Variants in VWA8 observed in about 807,000 individuals in gnomAD.
VWA8 encodes the protein von Willebrand factor A domain containing 8.
In VWA8, 221 loss-of-function variants were observed where a neutral mutation model predicts 241.5. That is an observed-to-expected ratio of 0.91 (90% CI 0.82 to 1.02). The LOEUF is 1.02. Among genes scored for constraint, VWA8 ranks in the 50% least tolerant of loss-of-function variants. The probability of loss-of-function intolerance (pLI) is 0.00; values close to 1 mark genes in which losing one functional copy is unlikely to be tolerated. For synonymous variants in VWA8, 852 were observed against 827.1 expected, an observed-to-expected ratio of 1.03 and a Z score of -0.52; for missense variants, 2,322 against 2,328.7, an observed-to-expected ratio of 1.00 and a Z score of 0.06.
chr13:41,690,849 C>T (rs2045172041), intron 32 of VWA8, among the ~76,000 whole-genome samples: 1 of 152,006 alleles, frequency 6.6e-6, no homozygotes, highest in South Asian at 2.1e-4. Context: ...ACTGCACAGT[C>T]CAATGGGTCA....
intron 37 of VWA8, among the ~76,000 whole-genome samples, chr13:41,644,491 C>T (rs1298785720): frequency 6.6e-6 from 1 of 152,232 alleles, no homozygotes; most frequent in Non-Finnish European, 1.5e-5. Flanking sequence ...CACGTTTTCC[C>T]CATGCCTGTG....
At chr13:41,721,042 T>C (rs1021168029) in intron 25 of VWA8, among the ~76,000 whole-genome samples, 2 of 152,168 alleles carry the variant, frequency 1.3e-5, no homozygotes, top group African/African-American at 2.4e-5. Flanking sequence ...GCATACCACA[T>C]GCTTGTTGTA....
In VWA8 at chr13:41,866,386, T is replaced by C. The variant is rs1171445736; in HGVS notation, c.1213-350A>G. Among the ~76,000 whole-genome samples, 4 of 148,344 alleles carry C rather than the reference T, an allele frequency of 2.7e-5. No homozygotes were observed. In the East Asian group the frequency reaches 7.9e-4, roughly 29 times the overall value. ...ATATATATATATATATGTGTGTGTGTGTGCGCGTGTGTGTGTGTATATGTG... is the reference window on the plus strand; with the variant it reads ...ATATATATATATATATGTGTGTGTGCGTGCGCGTGTGTGTGTGTATATGTG... On this transcript the variant is annotated intron_variant, in intron 10 of 44. Transcript: ENST00000379310.
chr13:41,945,665 G>A (rs1363006433), intron 2 of VWA8, among the ~76,000 whole-genome samples: 1 of 152,100 alleles, frequency 6.6e-6, no homozygotes, highest in Non-Finnish European at 1.5e-5. Flanking sequence ...GATGTGAGCA[G>A]GCAGAGGAAA....
intron 12 of VWA8, among the ~76,000 whole-genome samples, chr13:41,850,596 C>A (rs1437534389): frequency 6.6e-6 from 1 of 152,198 alleles, no homozygotes. Context: ...GGCCCACTCA[C>A]CTGCAGAGTC....
chr13:41,886,587 A>G (rs1035612930), intron 7 of VWA8, among the ~76,000 whole-genome samples, 194 bp downstream of exon 7: 1 of 152,208 alleles, frequency 6.6e-6, no homozygotes, highest in Non-Finnish European at 1.5e-5. Context: ...CTATTCACAT[A>G]TCTTTCAACT....
At position 41,865,737 on chromosome 13, in the gene VWA8, TGATA is replaced by T; in HGVS notation, c.1420_1423del (p.Tyr474ArgfsTer3). On this transcript the variant is annotated frameshift_variant and splice_region_variant, in exon 12 of 45. Transcript: ENST00000379310. LOFTEE classifies it high-confidence loss of function. ...TGCAGCTAAAAATGAACACTGTACC[TGATA>T]GAGCATAATAGGTTCTATGTTGTAT... 6.2e-7 allele frequency: 1 copy of T among 1,613,642 alleles called. No homozygotes were observed. Among genetic ancestry groups the T allele is most frequent in the Non-Finnish European group, 8.5e-7 (1 of 1,180,012 alleles).
At chr13:41,835,953 A>T (rs1871704602) in intron 12 of VWA8, among the ~76,000 whole-genome samples, 1 of 152,220 alleles carries the variant, frequency 6.6e-6, no homozygotes, top group Admixed American at 6.5e-5. Context: ...AAGATACATT[A>T]TCAGAAACAG....
intron 15 of VWA8, 49 bp from the exon 16 acceptor site, chr13:41,816,824 T>G (rs761817278): frequency 7.3e-7 from 1 of 1,361,996 alleles, no homozygotes; most frequent in South Asian, 1.2e-5. Context: ...AATCGGGATA[T>G]CTGATCAATC....
At chr13:41,922,073 T>C (rs1001578742) in intron 2 of VWA8, among the ~76,000 whole-genome samples, 7 of 152,136 alleles carry the variant, frequency 4.6e-5, no homozygotes, top group African/African-American at 1.7e-4. Context: ...CATGGTATGG[T>C]ACCAAAACAG....
intron 9 of VWA8, among the ~76,000 whole-genome samples, chr13:41,881,253 G>C (rs969336231): frequency 6.6e-6 from 1 of 151,178 alleles, no homozygotes; most frequent in East Asian, 2.0e-4. Context: ...CAAAAAGATG[G>C]TCCAGGCTCA....
intron 28 of VWA8, 103 bp downstream of exon 28, chr13:41,701,289 C>T: frequency 3.7e-6 from 5 of 1,355,868 alleles, no homozygotes; most frequent in African/African-American, 1.5e-5. Context: ...GAATGACAGA[C>T]ACCAAGTCTA....
intron 37 of VWA8, among the ~76,000 whole-genome samples, chr13:41,635,690 G>C (rs547903723): frequency 1.9e-3 from 295 of 152,298 alleles, no homozygotes; most frequent in African/African-American, 6.3e-3. Flanking sequence ...GGGATCCTCA[G>C]CCAGGGGTCA....
intron 21 of VWA8, among the ~76,000 whole-genome samples, chr13:41,735,613 TA>T (rs1428589201): frequency 4.6e-5 from 7 of 152,036 alleles, no homozygotes; most frequent in Admixed American, 2.0e-4. Context: ...ATCTAGTACA[TA>T]AAAAAAGCAA....
intron 37 of VWA8, among the ~76,000 whole-genome samples, chr13:41,616,880 T>G (rs183756176): frequency 3.9e-5 from 6 of 152,298 alleles, no homozygotes; most frequent in African/African-American, 1.4e-4. Flanking sequence ...TAGAGATCTT[T>G]GCAGCACCCT....
At position 41,790,174 on chromosome 13, in the gene VWA8, T is replaced by C. The variant is rs189005871; in HGVS notation, c.2064-2631A>G. ...CTCAATTTTTTAAATTATAACACCA[T>C]AAAACTGAATGCCAGCTTCTAAAAC... On this transcript the variant is annotated intron_variant, in intron 17 of 44. Transcript: ENST00000379310. 9.0e-4 allele frequency among the ~76,000 whole-genome samples: 137 copies of C among 152,146 alleles called. 1 individual carries two copies. Among genetic ancestry groups the C allele is most frequent in the Middle Eastern group, 6.8e-3 (2 of 294 alleles).
rs557390346 is a variant in VWA8, at chr13:41,625,589, C to T, written c.4612-10505G>A. ...TTAAAAAGTCAGGAAACAACAGGTG[C>T]GGGAGAGGATGTGGAGAAATAGGAA... On this transcript the variant is annotated intron_variant, in intron 37 of 44. Transcript: ENST00000379310. Among the ~76,000 whole-genome samples, 248 of 152,206 alleles carry T rather than the reference C, an allele frequency of 1.6e-3. 1 individual carries two copies. Among genetic ancestry groups the T allele is most frequent in the Admixed American group, 3.5e-3 (53 of 15,286 alleles).
chr13:41,688,875 A>G (rs2045155865), intron 34 of VWA8, among the ~76,000 whole-genome samples: 1 of 152,098 alleles, frequency 6.6e-6, no homozygotes, highest in African/African-American at 2.4e-5. Flanking sequence ...ATCAGGTACT[A>G]TGCTTATTAT....
chr13:41,895,097 TA>T (rs1875035191), intron 4 of VWA8, among the ~76,000 whole-genome samples: 1 of 151,956 alleles, frequency 6.6e-6, no homozygotes, highest in Non-Finnish European at 1.5e-5. Context: ...GAAATAAAAC[TA>T]AAAGAGTTGC....
Sources: gnomAD v4.1 joint callset for allele counts (sites outside exome capture counted in the v4.1 genomes callset) on GRCh38, gnomAD v4.1.1 for gene constraint, MANE v1.5 for transcripts, NCBI Gene and HGNC (gene_info 2026-07-23, HGNC 2026-07-21) for gene names.